The following MYH6 variants were observed in gnomAD, a reference collection of about 807,000 sequenced individuals.
MYH6 encodes myosin-6.
Under a neutral mutation model 223.2 loss-of-function variants are expected in MYH6, and 126 were observed. The observed-to-expected ratio is 0.56, with a 90% confidence interval of 0.49 to 0.65. The LOEUF is 0.65. MYH6 is among the 30% of genes least tolerant of loss of function. MYH6 has a pLI of 0.00. For synonymous variants in MYH6, 978 were observed against 1,010.2 expected (o/e 0.97, Z 0.61); for missense variants, 2,040 against 2,536.4 (o/e 0.80, Z 4.20).
At position 23,386,336 on chromosome 14, in the gene MYH6, C is replaced by G; in HGVS notation, c.4938G>C (p.Lys1646Asn). The stretch of plus-strand genomic sequence containing the variant: ...GTACCTTCAGCAAGCTCTGGAGGCT[C>G]TTGACTTGCTTCTGGGCCTCGGCAG... ...RMAAEAQKQV[K>N]SLQSLLKDTQ... The change falls in exon 33 of 39, where the codon AAG (lysine) becomes AAC (asparagine). Residue 1646 changes from lysine to asparagine, a missense_variant. Transcript: ENST00000405093. The G allele has an allele frequency of 6.2e-7, 1 of 1,614,126 alleles. No individual in the cohort carries two copies. The highest frequency in any genetic ancestry group is 2.2e-5 in the East Asian group (1 of 44,882).
At position 23,384,579 on chromosome 14, in the gene MYH6, C is replaced by T. The variant is rs779394829; in HGVS notation, c.5428G>A (p.Gly1810Ser). 7 of 1,613,686 alleles carry T rather than the reference C, an allele frequency of 4.3e-6. No individual in the cohort carries two copies. In the East Asian group the frequency reaches 1.6e-4, roughly 36 times the overall value. The stretch of plus-strand genomic sequence containing the variant: ...TCCAGCTTCTGCAGCTGCTTCTTGC[C>T]TCCCTTGAGGGCGATCTGCTCGGCC... ...DEAEQIALKG[G>S]KKQLQKLEAR... The change falls in exon 36 of 39, where the codon GGC (glycine) becomes AGC (serine). Residue 1810 changes from glycine (G) to serine (S), a missense_variant. Transcript: ENST00000405093.
At chr14:23,382,186 G>A (rs1652796447) in intron 38 of MYH6, 123 bp from the exon 39 acceptor site, 1 of 1,161,884 alleles carries the variant, frequency 8.6e-7, no homozygotes, top group Non-Finnish European at 1.3e-6. Context: ...AGGGCCCCAG[G>A]GATCCTGTGG....
At chr14:23,406,117 C>G (rs1159684028) in intron 3 of MYH6, among the ~76,000 whole-genome samples, 1 of 152,116 alleles carries the variant, frequency 6.6e-6, no homozygotes, top group African/African-American at 2.4e-5. Flanking sequence ...CTGTGCACAC[C>G]TTATGCTGAC....
At chr14:23,397,939 T>G (rs922579873) in intron 15 of MYH6, among the ~76,000 whole-genome samples, 2 of 48,572 alleles carry the variant, frequency 4.1e-5, no homozygotes, top group South Asian at 1.7e-3. Flanking sequence ...CTCCTCTTCT[T>G]CTTCTTCTTC....
At position 23,405,546 on chromosome 14, in the gene MYH6, C is replaced by A. The variant is rs550596786; in HGVS notation, c.345+81G>T. ...TTGGGTCCCTTGGGAGTCTCTCCCC[C>A]TCTTCTTGGGAGAGCCCCCCTGGCT... is the stretch of plus-strand genomic sequence containing the variant. On this transcript the variant is annotated intron_variant, in intron 4 of 38. Coordinates refer to ENST00000405093, the MANE Select transcript of MYH6 (RefSeq NM_002471.4). The surrounding 1 kb of genome is among the most constrained non-coding windows in gnomAD (Gnocchi z 4.7). 1 of 1,605,154 alleles carries A rather than the reference C, an allele frequency of 6.2e-7. No homozygotes were observed. The highest frequency in any genetic ancestry group is 1.1e-5 in the South Asian group (1 of 90,490).
In MYH6 at chr14:23,403,301, G is replaced by T. The variant is rs756096549; in HGVS notation, c.898+47C>A. On this transcript the variant is annotated intron_variant, in intron 10 of 38. Transcript: ENST00000405093. ...TGCCCTGCATGCAGGAGTCGTTGGG[G>T]TGTGCAGCAGGGACAGCAGTGGGTG... The T allele has an allele frequency of 5.6e-5, 83 of 1,489,272 alleles. No homozygotes were observed. In the Admixed American group the frequency reaches 6.2e-4, roughly 11 times the overall value. The allele number at this position is 1,489,272 out of a possible 1,614,324, so 92.3% of individuals were successfully genotyped here. A position where few individuals can be genotyped will look rare whatever the true frequency, so the allele number is the denominator to read the frequency against.
At chr14:23,403,326 G>T in intron 10 of MYH6, 22 bp downstream of exon 10, 1 of 1,590,298 alleles carries the variant, frequency 6.3e-7, no homozygotes, top group Non-Finnish European at 8.6e-7. Flanking sequence ...AGCAGTGGGT[G>T]GGGGGTGGCA....
At chr14:23,393,095 A>G in intron 23 of MYH6, 38 bp from the exon 24 acceptor site, 2 of 1,613,662 alleles carry the variant, frequency 1.2e-6, no homozygotes, top group Non-Finnish European at 1.7e-6. Flanking sequence ...TGTGGAAAAC[A>G]TGAAATCCAT....
chr14:23,400,084 G>T (rs1891551723), intron 14 of MYH6, 172 bp downstream of exon 14: 1 of 989,530 alleles, frequency 1.0e-6, no homozygotes, highest in Admixed American at 2.0e-5. Flanking sequence ...GGGAAAGGAA[G>T]AGTGGGGGGA....
intron 28 of MYH6, 129 bp downstream of exon 28, chr14:23,389,264 G>T: frequency 1.6e-6 from 2 of 1,218,286 alleles, no homozygotes; most frequent in Admixed American, 1.9e-5. Flanking sequence ...TAGCTGCAGG[G>T]CAGAACCTAG....
At chr14:23,384,887 G>C (rs749935766) in intron 35 of MYH6, 29 bp downstream of exon 35, 3 of 1,613,544 alleles carry the variant, frequency 1.9e-6, no homozygotes, top group Non-Finnish European at 1.7e-6. Context: ...TCTGTCTTTA[G>C]GGGAGGCGGA....
rs1891726616 is a variant in MYH6 at position 23,404,727 on chromosome 14, T to C, written c.626A>G (p.Asn209Ser). 3 of 1,614,114 alleles carry C rather than the reference T, an allele frequency of 1.9e-6. No homozygotes were observed. Among genetic ancestry groups the C allele is most frequent in the East Asian group, 4.5e-5 (2 of 44,874 alleles). ...CCATGGCACCTTGTTCGCATTGGCA[T>C]TGTCCTTCTTGCCACGGTCACCTAT... ...AAIGDRGKKD[N>S]ANANKGTLED... is the part of the protein sequence containing the mutation. The change falls in exon 7 of 39, where the codon AAT becomes AGT. Residue 209 changes from asparagine to serine, a missense_variant. By Grantham distance (46) the Asn-to-Ser change is conservative. This residue lies in a region of MYH6 where 649 missense variants were observed against 877.3 expected (regional missense o/e 0.74). Transcript: ENST00000405093.
intron 3 of MYH6, among the ~76,000 whole-genome samples, chr14:23,406,126 AC>A (rs891496604): frequency 6.6e-6 from 1 of 151,694 alleles, no homozygotes; most frequent in Non-Finnish European, 1.5e-5. Context: ...CCTTATGCTG[AC>A]CCCGAGGCTG....
At position 23,402,703 on chromosome 14, in the gene MYH6, G is replaced by A. The variant is rs762627690; in HGVS notation, c.996C>T (p.Ala332=). The change falls in exon 11 of 39, where the codon GCC becomes GCT. Residue 332 remains alanine, a synonymous_variant. Transcript: ENST00000405093. The stretch of plus-strand genomic sequence containing the variant: ...CAGCAGCCCCCTCACTCACATCGGT[G>A]GCCATGAGCTCCTCGGAGTCATCAA... ...ASIDDSEELM[A]TDSAFDVLGF... The A allele has an allele frequency of 1.2e-6, 2 of 1,613,530 alleles. No individual in the cohort carries two copies. The highest frequency in any genetic ancestry group is 1.7e-6 in the Non-Finnish European group (2 of 1,179,936).
In MYH6 at chr14:23,389,202, G is replaced by A. The variant is rs1566507632; in HGVS notation, c.3979-147C>T. On this transcript the variant is annotated intron_variant, in intron 28 of 38. Coordinates refer to ENST00000405093, the MANE Select transcript of MYH6 (RefSeq NM_002471.4). Reference sequence around the variant, plus strand: ...ACCTCACTGTTTGAGGAGTTTCCCAGTCTGCTCACCCCATCCCCTTACGAA... The same window carrying A: ...ACCTCACTGTTTGAGGAGTTTCCCAATCTGCTCACCCCATCCCCTTACGAA... 4 of 1,194,060 alleles carry A rather than the reference G, an allele frequency of 3.3e-6. No homozygotes were observed. In the Admixed American group the frequency reaches 7.4e-5, roughly 22 times the overall value. 74.0% of individuals were successfully genotyped at this position (1,194,060 alleles called of 1,614,324 possible).
intron 37 of MYH6, 138 bp from the exon 38 acceptor site, chr14:23,382,700 G>T: frequency 1.5e-6 from 2 of 1,293,338 alleles, no homozygotes; most frequent in Non-Finnish European, 2.2e-6. Flanking sequence ...CTTCCCAAGG[G>T]TATCCTGCAA....
At chr14:23,393,601 G>A (rs1417475620) in intron 22 of MYH6, 65 bp downstream of exon 22, 1 of 1,613,998 alleles carries the variant, frequency 6.2e-7, no homozygotes, top group Non-Finnish European at 8.5e-7. Flanking sequence ...CCAAGGACCA[G>A]GACAACACTC....
rs772216708 is a variant in MYH6, at chr14:23,405,739, T to C, written c.233A>G (p.Gln78Arg). The change falls in exon 4 of 39, where the codon CAG becomes CGG. Residue 78 changes from glutamine (Q) to arginine (R), a missense_variant. Physicochemically the swap from Gln to Arg is conservative, Grantham distance 43 (BLOSUM62 1). Around this residue, in one of 4 missense-constraint regions of MYH6, gnomAD observed 184 missense variants for 232.4 expected, o/e 0.79. Coordinates refer to ENST00000405093, the MANE Select transcript of MYH6 (RefSeq NM_002471.4). The surrounding 1 kb of genome is among the most constrained non-coding windows in gnomAD (Gnocchi z 4.7). ...CTTGTCGAACTTGGGTGGGTTCTGC[T>C]GCAACACCTGGTCCTCCTTCACAGT... The part of the protein sequence containing the change: ...TVTVKEDQVL[Q>R]QNPPKFDKIE... 2.4e-5 allele frequency: 38 copies of C among 1,614,030 alleles called. No individual in the cohort carries two copies. The highest frequency in any genetic ancestry group is 3.0e-5 in the Non-Finnish European group (35 of 1,180,028).
At chr14:23,396,179 G>C in intron 20 of MYH6, 105 bp downstream of exon 20, 2 of 1,470,206 alleles carry the variant, frequency 1.4e-6, no homozygotes, top group Non-Finnish European at 1.9e-6. Flanking sequence ...AACTTGCCCA[G>C]GCCAGCTGGT....
Sources: gnomAD v4.1 joint callset for allele counts (sites outside exome capture counted in the v4.1 genomes callset) on GRCh38, gnomAD v4.1.1 for gene constraint, gnomAD v4.1.1 regional missense constraint, Gnocchi (gnomAD v3.1) non-coding constraint, MANE v1.5 for transcripts, NCBI Gene and HGNC (gene_info 2026-07-23, HGNC 2026-07-21) for gene names.